HOMER1: variants seen among roughly 807,000 people sequenced by gnomAD.
The protein encoded by HOMER1 is homer scaffold protein 1, also known as homer protein homolog 1.
In HOMER1, 3 loss-of-function variants were observed where a neutral mutation model predicts 48.9. That is an observed-to-expected ratio of 0.06 (90% CI 0.03 to 0.16). The LOEUF is 0.16. Among genes scored for constraint, HOMER1 ranks in the 10% least tolerant of loss-of-function variants. The pLI, the probability that HOMER1 is intolerant of heterozygous loss-of-function variation, is 1.00. For synonymous variants in HOMER1, 134 were observed against 146.4 expected, an observed-to-expected ratio of 0.92 and a Z score of 0.61; for missense variants, 247 against 411.4, an observed-to-expected ratio of 0.60 and a Z score of 3.46.
intron 4 of HOMER1, 128 bp from the exon 5 acceptor site, chr5:79,439,277 C>G (rs1340679335): frequency 5.0e-6 from 4 of 796,386 alleles, no homozygotes; most frequent in Non-Finnish European, 7.4e-6. Flanking sequence ...AAATTTGAGT[C>G]AAAGACTTAA....
At chr5:79,484,643 T>G (rs1752045472) in intron 1 of HOMER1, among the ~76,000 whole-genome samples, 2 of 152,318 alleles carry the variant, frequency 1.3e-5, no homozygotes. Flanking sequence ...GAAAACCATT[T>G]TGAAGACCAC....
chr5:79,502,830 G>A (rs570461739), intron 1 of HOMER1, among the ~76,000 whole-genome samples: 12 of 152,064 alleles, frequency 7.9e-5, no homozygotes, highest in Non-Finnish European at 7.4e-5. Context: ...TCGCTCTGTC[G>A]CCCAGGCTGG....
chr5:79,380,762 G>T (rs962663294), intron 8 of HOMER1, among the ~76,000 whole-genome samples: 7 of 151,972 alleles, frequency 4.6e-5, no homozygotes, highest in Non-Finnish European at 1.0e-4. Flanking sequence ...GTCCACCAAT[G>T]TTGGCACCTA....
At chr5:79,428,673 A>C (rs1231365864) in intron 5 of HOMER1, among the ~76,000 whole-genome samples, 1 of 152,176 alleles carries the variant, frequency 6.6e-6, no homozygotes, top group South Asian at 2.1e-4. Context: ...TTAACAAAAC[A>C]ATTTCATTTA....
At chr5:79,377,092 A>G (rs1748791279) in intron 8 of HOMER1, among the ~76,000 whole-genome samples, 1 of 152,022 alleles carries the variant, frequency 6.6e-6, no homozygotes, top group African/African-American at 2.4e-5. Flanking sequence ...CAGCCTCCCA[A>G]GTAGCTGGGA....
At chr5:79,403,604 A>C (rs547909626) in intron 5 of HOMER1, among the ~76,000 whole-genome samples, 9 of 152,314 alleles carry the variant, frequency 5.9e-5, no homozygotes, top group Admixed American at 5.9e-4. Flanking sequence ...AGGAAATAAC[A>C]GTTAAATGCA....
chr5:79,400,121 T>G (rs1331367476), intron 6 of HOMER1, among the ~76,000 whole-genome samples: 2 of 152,122 alleles, frequency 1.3e-5, no homozygotes, highest in African/African-American at 4.8e-5. Flanking sequence ...ATCATAAAAT[T>G]TATCATCTTA....
intron 1 of HOMER1, among the ~76,000 whole-genome samples, chr5:79,491,659 A>G (rs1398071220): frequency 6.6e-6 from 1 of 152,070 alleles, no homozygotes; most frequent in Non-Finnish European, 1.5e-5. Context: ...ACTACTGAAC[A>G]CTATCACAGC....
intron 8 of HOMER1, among the ~76,000 whole-genome samples, chr5:79,384,882 G>GT (rs1357038366): frequency 2.0e-5 from 3 of 151,888 alleles, no homozygotes; most frequent in Non-Finnish European, 4.4e-5. Context: ...TCAACAGAAT[G>GT]AAGGAAAAAA....
chr5:79,436,758 A>G (rs1750593821), intron 5 of HOMER1, among the ~76,000 whole-genome samples: 1 of 152,192 alleles, frequency 6.6e-6, no homozygotes, highest in Admixed American at 6.5e-5. Flanking sequence ...CTGGGATTCT[A>G]GCATTAACTT....
At position 79,373,081 on chromosome 5, in the gene HOMER1, T is replaced by C. The variant is rs1428788298; in HGVS notation, c.*2928A>G. ...AGAGAGAGAGGAGAACAAAAACTAA[T>C]TTTCCAGGCAGGGGAATACTTATAA... On this transcript the variant is annotated 3_prime_UTR_variant, in exon 9 of 9. Transcript: ENST00000334082. 1 of 152,038 alleles carries C rather than the reference T, an allele frequency of 6.6e-6. No individual in the cohort carries two copies. Among genetic ancestry groups the C allele is most frequent in the Non-Finnish European group, 1.5e-5 (1 of 67,960 alleles). The allele number at this position is 152,038 out of a possible 1,614,324, so 9.4% of individuals were successfully genotyped here. A position where few individuals can be genotyped will look rare whatever the true frequency, so the allele number is the denominator to read the frequency against.
chr5:79,468,110 A>G (rs901196278), intron 1 of HOMER1, among the ~76,000 whole-genome samples: 2 of 152,194 alleles, frequency 1.3e-5, no homozygotes, highest in African/African-American at 4.8e-5. Context: ...AATACATGTT[A>G]TGATTAGAAT....
At chr5:79,511,059 G>A (rs1365358086) in intron 1 of HOMER1, 1 of 282,638 alleles carries the variant, frequency 3.5e-6, no homozygotes, top group East Asian at 6.8e-5. Flanking sequence ...TAAAATGACA[G>A]GCATTCATGC....
At chr5:79,403,003 G>A (rs541471354) in intron 5 of HOMER1, among the ~76,000 whole-genome samples, 1 of 152,020 alleles carries the variant, frequency 6.6e-6, no homozygotes, top group African/African-American at 2.4e-5. Flanking sequence ...AGCAATCACC[G>A]TTTTTCCTCA....
Position 79,491,827 on chromosome 5 carries a change from CTTGT to C in HOMER1, c.5+20939_5+20942del, listed in dbSNP as rs533195810. On this transcript the variant is annotated intron_variant, in intron 1 of 8. Transcript: ENST00000334082. ...TTAACAAACTTGTTTATTAAGCAAA[CTTGT>C]TTATTTTAATCCTTTCATCTTCACA... 1.4e-3 allele frequency among the ~76,000 whole-genome samples: 210 copies of C among 152,222 alleles called. 2 individuals carry two copies. The highest frequency in any genetic ancestry group is 4.6e-3 in the African/African-American group (191 of 41,538).
At chr5:79,407,210 A>G (rs1749687160) in intron 5 of HOMER1, among the ~76,000 whole-genome samples, 1 of 152,204 alleles carries the variant, frequency 6.6e-6, no homozygotes, top group Non-Finnish European at 1.5e-5. Context: ...ACAGCCTAGC[A>G]GAAGAGTCAT....
At chr5:79,415,596 T>C (rs1369687705) in intron 5 of HOMER1, among the ~76,000 whole-genome samples, 1 of 152,216 alleles carries the variant, frequency 6.6e-6, no homozygotes, top group Non-Finnish European at 1.5e-5. Flanking sequence ...CATAGTTTAA[T>C]TGACGATATT....
chr5:79,434,592 A>G (rs1344917275), intron 5 of HOMER1, among the ~76,000 whole-genome samples: 1 of 152,168 alleles, frequency 6.6e-6, no homozygotes, highest in African/African-American at 2.4e-5. Flanking sequence ...AGCAATTTAG[A>G]TAAAATTTAA....
intron 1 of HOMER1, among the ~76,000 whole-genome samples, chr5:79,501,322 C>A (rs2112373823): frequency 6.6e-6 from 1 of 152,274 alleles, no homozygotes; most frequent in Admixed American, 6.5e-5. Flanking sequence ...TGTACGAATA[C>A]AGCATATAAA....
Sources: gnomAD v4.1 joint callset for allele counts (sites outside exome capture counted in the v4.1 genomes callset) on GRCh38, gnomAD v4.1.1 for gene constraint, MANE v1.5 for transcripts, NCBI Gene and HGNC (gene_info 2026-07-23, HGNC 2026-07-21) for gene names.